The following BCR variants were observed in gnomAD, a reference collection of about 807,000 sequenced individuals.
The protein encoded by BCR is breakpoint cluster region protein.
Under a neutral mutation model 138.6 loss-of-function variants are expected in BCR, and 58 were observed. The observed-to-expected ratio is 0.42, with a 90% CI of 0.34 to 0.52. The LOEUF is 0.52. BCR is among the 20% of genes least tolerant of loss of function. BCR has a pLI of 0.06. For synonymous variants in BCR, 786 were observed against 730.1 expected (o/e 1.08, Z -1.23); for missense variants, 1,599 against 1,727.2 (o/e 0.93, Z 1.32).
In BCR at chr22:23,187,779, T is replaced by A. The variant is rs148631483; in HGVS notation, c.1279+5540T>A. Among the ~76,000 whole-genome samples the A allele has an allele frequency of 4.8e-4, 73 of 152,346 alleles. 1 individual carries two copies. Among genetic ancestry groups the A allele is most frequent in the African/African-American group, 1.8e-3 (73 of 41,570 alleles). The stretch of plus-strand genomic sequence containing the variant: ...CACCTCAAACACATTTATTATTTGT[T>A]TATGCTGGGAGGTCTGAGGAATTCT... On this transcript the variant is annotated intron_variant, in intron 1 of 22. Transcript: ENST00000305877.
At chr22:23,195,202 C>T (rs1354174129) in intron 1 of BCR, among the ~76,000 whole-genome samples, 1 of 151,630 alleles carries the variant, frequency 6.6e-6, no homozygotes, top group African/African-American at 2.4e-5. Context: ...AGGCGGATCA[C>T]CTGAGGTCGG....
intron 1 of BCR, among the ~76,000 whole-genome samples, chr22:23,208,917 G>A (rs2072648617): frequency 6.6e-6 from 1 of 152,028 alleles, no homozygotes; most frequent in Non-Finnish European, 1.5e-5. Context: ...CCCTCCCCGC[G>A]GCAACCACTG....
chr22:23,278,048 C>T (rs567128068), intron 8 of BCR, among the ~76,000 whole-genome samples: 91 of 152,306 alleles, frequency 6.0e-4, no homozygotes, highest in African/African-American at 1.9e-3. Flanking sequence ...TGGTGGGTGG[C>T]GCTCATTTGT....
chr22:23,196,155 A>G (rs2072478880), intron 1 of BCR, among the ~76,000 whole-genome samples: 1 of 152,194 alleles, frequency 6.6e-6, no homozygotes, highest in Non-Finnish European at 1.5e-5. Flanking sequence ...TAGTAGTGTT[A>G]AGCCTCTAGT....
chr22:23,186,095 A>G (rs1156987684), intron 1 of BCR, among the ~76,000 whole-genome samples: 3 of 152,188 alleles, frequency 2.0e-5, no homozygotes, highest in Non-Finnish European at 2.9e-5. Context: ...GCACACATGT[A>G]TGTGCTCAAG....
At chr22:23,282,369 G>A (rs904292681) in intron 8 of BCR, among the ~76,000 whole-genome samples, 1 of 152,240 alleles carries the variant, frequency 6.6e-6, no homozygotes, top group Non-Finnish European at 1.5e-5. Context: ...GCCTTGGCAC[G>A]CCGGCAGCCT....
At chr22:23,291,992 C>G (rs762543160) in intron 14 of BCR, among the ~76,000 whole-genome samples, 4 of 152,184 alleles carry the variant, frequency 2.6e-5, no homozygotes, top group Non-Finnish European at 4.4e-5. Flanking sequence ...CGCCCACAGC[C>G]CAGCCCACTC....
At chr22:23,262,775 A>G in intron 4 of BCR, 2 of 945,280 alleles carry the variant, frequency 2.1e-6, no homozygotes, top group Non-Finnish European at 2.5e-6. Flanking sequence ...GACGAGGGGG[A>G]AGCGAAGGAA....
At position 23,295,303 on chromosome 22, in the gene BCR, T is replaced by G. The variant is rs2073833298; in HGVS notation, c.3012+148T>G. 2.9e-6 allele frequency: 3 copies of G among 1,032,312 alleles called. No homozygotes were observed. The East Asian group carries it at 7.9e-5, about 27-fold the overall frequency. The allele number at this position is 1,032,312 out of a possible 1,614,324, so 63.9% of individuals were successfully genotyped here. A position where few individuals can be genotyped will look rare whatever the true frequency, so the allele number is the denominator to read the frequency against. ...TCTGAAACATCCATCGTGGGAGACC[T>G]GAGCCGGTGCCTGCATGTATCTTGA... On this transcript the variant is annotated intron_variant, in intron 16 of 22. Transcript: ENST00000305877.
In BCR at chr22:23,268,480, T is replaced by C; in HGVS notation, c.1825T>C (p.Cys609Arg). The C allele has an allele frequency of 6.2e-7, 1 of 1,613,972 alleles. No homozygotes were observed. The highest frequency in any genetic ancestry group is 8.5e-7 in the Non-Finnish European group (1 of 1,179,904). The change falls in exon 5 of 23, where the codon TGT becomes CGT. Residue 609 changes from cysteine to arginine, a missense_variant. Coordinates refer to ENST00000305877, the MANE Select transcript of BCR (RefSeq NM_004327.4). ...GVAMEMAEKC[C>R]QANAQFAEIS... is the part of the protein sequence containing the mutation. ...TGCCATGGAAATGGCTGAGAAGTGC[T>C]GTCAGGCCAATGCTCAGTTTGCAGA...
chr22:23,183,609 C>T (rs2072299061), intron 1 of BCR, among the ~76,000 whole-genome samples: 1 of 152,184 alleles, frequency 6.6e-6, no homozygotes, highest in Admixed American at 6.5e-5. Flanking sequence ...TCAGCTCGTT[C>T]GGGGTCTGGA....
rs776962407 is a variant in BCR, at chr22:23,295,062, G to A, written c.2919G>A (p.Arg973=). The part of the protein sequence containing the change: ...EIELEGSQTL[R]ILCYEKCYNK... Reference sequence around the variant, plus strand: ...AGCTGGAGGGCTCCCAGACCCTGAGGATACTGTGCTATGAAAAGTGTTACA... The same window carrying A: ...AGCTGGAGGGCTCCCAGACCCTGAGAATACTGTGCTATGAAAAGTGTTACA... Residue 973 remains arginine, a synonymous_variant, in exon 16 of 23, where the codon AGG becomes AGA. Coordinates refer to ENST00000305877, the MANE Select transcript of BCR (RefSeq NM_004327.4). 12 of 1,614,024 alleles carry A rather than the reference G, an allele frequency of 7.4e-6. No individual in the cohort carries two copies. The highest frequency in any genetic ancestry group is 2.2e-5 in the South Asian group (2 of 91,082).
chr22:23,181,162 A>T lies in BCR; in HGVS notation c.202A>T (p.Lys68Ter). Residue 68 changes from lysine (K) to a stop codon, truncating the protein, a stop_gained, in exon 1 of 23, where the codon AAG (lysine) becomes TAG (stop). Transcript: ENST00000305877. LOFTEE classifies it high-confidence loss of function. ...GCAGACGTTGCTGGCCAAGGAAAAGAAGAGCTATGACCGGCAGCGATGGGG... is the reference window on the plus strand; with the variant it reads ...GCAGACGTTGCTGGCCAAGGAAAAGTAGAGCTATGACCGGCAGCGATGGGG... The part of the protein sequence containing the change: ...YLQTLLAKEK[K>*]SYDRQRWGFR... 1 of 1,439,226 alleles carries T rather than the reference A, an allele frequency of 6.9e-7. No individual in the cohort carries two copies. Among genetic ancestry groups the T allele is most frequent in the Non-Finnish European group, 9.3e-7 (1 of 1,080,496 alleles). 89.2% of individuals were successfully genotyped at this position (1,439,226 alleles called of 1,614,324 possible).
intron 1 of BCR, among the ~76,000 whole-genome samples, chr22:23,214,329 A>T (rs1230475998): frequency 6.6e-6 from 1 of 151,894 alleles, no homozygotes; most frequent in Non-Finnish European, 1.5e-5. Flanking sequence ...TATTTTAGGG[A>T]TAGATCCCTT....
intron 1 of BCR, among the ~76,000 whole-genome samples, chr22:23,248,057 T>G: frequency 6.6e-6 from 1 of 152,178 alleles, no homozygotes; most frequent in African/African-American, 2.4e-5. Flanking sequence ...TTCAGTTCTT[T>G]TAGAGGCTGG....
At chr22:23,233,804 GA>G (rs1190794427) in intron 1 of BCR, among the ~76,000 whole-genome samples, 275 of 87,920 alleles carry the variant, frequency 3.1e-3, no homozygotes, top group African/African-American at 0.013. Flanking sequence ...AAAAAAAAAA[GA>G]AAAAAAAGAA....
Position 23,289,591 on chromosome 22 carries a change from C to T in BCR, c.2677C>T (p.His893Tyr). 1 of 1,613,992 alleles carries T rather than the reference C, an allele frequency of 6.2e-7. No individual in the cohort carries two copies. The highest frequency in any genetic ancestry group is 8.5e-7 in the Non-Finnish European group (1 of 1,179,988). ...TNSCVKLQTV[H>Y]SIPLTINKED... ...CTCGTGTGTGAAACTCCAGACTGTC[C>T]ACAGCATTCCGCTGACCATCAATAA... The change falls in exon 13 of 23, where the codon CAC (histidine) becomes TAC (tyrosine). Residue 893 changes from histidine (H) to tyrosine (Y), a missense_variant. His to Tyr is a moderately conservative substitution (Grantham distance 83, BLOSUM62 2). Around this residue, in one of 4 missense-constraint regions of BCR, gnomAD observed 590 missense variants for 762.4 expected, o/e 0.77. Coordinates refer to ENST00000305877, the MANE Select transcript of BCR (RefSeq NM_004327.4).
chr22:23,250,731 T>A (rs2073215515), intron 1 of BCR, among the ~76,000 whole-genome samples: 1 of 152,154 alleles, frequency 6.6e-6, no homozygotes, highest in African/African-American at 2.4e-5. Context: ...CTAGTTCACA[T>A]GCATGATTTT....
chr22:23,272,713 A>C (rs1230313175), intron 6 of BCR, among the ~76,000 whole-genome samples: 1 of 151,944 alleles, frequency 6.6e-6, no homozygotes, highest in Admixed American at 6.6e-5. Flanking sequence ...TGCTCAGCTT[A>C]CCCTCTGGGC....
Sources: gnomAD v4.1 joint callset for allele counts (sites outside exome capture counted in the v4.1 genomes callset) on GRCh38, gnomAD v4.1.1 for gene constraint, gnomAD v4.1.1 regional missense constraint, MANE v1.5 for transcripts, NCBI Gene and HGNC (gene_info 2026-07-23, HGNC 2026-07-21) for gene names.